The following CTNNA2 variants were observed in gnomAD, a reference collection of about 807,000 sequenced individuals.
CTNNA2 encodes catenin alpha 2.
Under a neutral mutation model 101.0 loss-of-function variants are expected in CTNNA2, and 42 were observed. That is an observed-to-expected ratio of 0.42 (90% CI 0.32 to 0.54). The LOEUF is 0.54. Ranked by LOEUF, CTNNA2 falls within the 20% of genes least tolerant of loss-of-function variation. The pLI is 0.14. For missense variants in CTNNA2, 871 were observed against 1,223.1 expected (o/e 0.71, Z 4.29); for synonymous variants, 450 against 456.4 (o/e 0.99, Z 0.18).
chr2:80,222,334 C>G (rs1708618934), intron 7 of CTNNA2, among the ~76,000 whole-genome samples: 1 of 151,966 alleles, frequency 6.6e-6, no homozygotes, highest in Admixed American at 6.6e-5. Flanking sequence ...ATATCTTTAT[C>G]TTATCACTTA....
chr2:79,558,403 TTG>T (rs1160044842), intron 1 of CTNNA2, among the ~76,000 whole-genome samples: 1 of 151,992 alleles, frequency 6.6e-6, no homozygotes, highest in African/African-American at 2.4e-5. Flanking sequence ...TATTCATTAT[TTG>T]TCACTCTATC....
At chr2:80,126,638 T>C (rs58587143) in intron 7 of CTNNA2, among the ~76,000 whole-genome samples, 223 of 72,798 alleles carry the variant, frequency 3.1e-3, no homozygotes, top group East Asian at 0.015. Context: ...CTCCCTCCCT[T>C]CCTTCCTTCC....
intron 3 of CTNNA2, among the ~76,000 whole-genome samples, chr2:79,847,542 CAAAAAAAAAAA>C (rs70940050): frequency 0.059 from 2,373 of 40,146 alleles, 70 homozygotes; most frequent in African/African-American, 0.19. Flanking sequence ...GACTCTGTCT[CAAAAAAAAAAA>C]AAAAAAAAAA....
chr2:79,643,983 G>T (rs1369595422), intron 1 of CTNNA2, among the ~76,000 whole-genome samples: 1 of 152,076 alleles, frequency 6.6e-6, no homozygotes, highest in Non-Finnish European at 1.5e-5. Context: ...CTCTTCTGCT[G>T]TATCTCTATC....
chr2:79,406,641 G>A (rs1197092152), intron 4 of CTNNA2, among the ~76,000 whole-genome samples: 1 of 151,936 alleles, frequency 6.6e-6, no homozygotes, highest in African/African-American at 2.4e-5. Flanking sequence ...AGTTAAAGGT[G>A]CTTATCCGTT....
intron 3 of CTNNA2, among the ~76,000 whole-genome samples, chr2:79,769,498 C>A (rs968208285): frequency 6.6e-6 from 1 of 152,164 alleles, no homozygotes; most frequent in Admixed American, 6.5e-5. Flanking sequence ...TCTCCAGAAA[C>A]TTCTGGATTA....
At chr2:79,206,989 T>C (rs1281180247) in intron 2 of CTNNA2, among the ~76,000 whole-genome samples, 1 of 152,176 alleles carries the variant, frequency 6.6e-6, no homozygotes, top group Non-Finnish European at 1.5e-5. Flanking sequence ...GGTGACAGTA[T>C]CACATCTCTT....
intron 7 of CTNNA2, among the ~76,000 whole-genome samples, chr2:80,296,827 C>T (rs1235564481): frequency 2.6e-5 from 4 of 152,056 alleles, no homozygotes; most frequent in Admixed American, 2.0e-4. Flanking sequence ...CCATCTCACC[C>T]ATGCATAAAA....
rs553069600 is a variant in CTNNA2 at position 80,097,833 on chromosome 2, T to G, written c.1056+188036T>G. Among the ~76,000 whole-genome samples, 4 of 152,370 alleles carry G rather than the reference T, an allele frequency of 2.6e-5. No homozygotes were observed. In the South Asian group the frequency reaches 8.3e-4, roughly 32 times the overall value. On this transcript the variant is annotated intron_variant, in intron 7 of 18. Transcript: ENST00000402739. ...GGCTTATGCATTCGTCACGTAGTTCTCGTGCCATGGTTTTCAGCTCCATCA... is the reference window on the plus strand; with the variant it reads ...GGCTTATGCATTCGTCACGTAGTTCGCGTGCCATGGTTTTCAGCTCCATCA...
chr2:80,279,049 C>CATGTGTGTGTGTGTGT (rs1553482572), intron 7 of CTNNA2, among the ~76,000 whole-genome samples: 2 of 135,734 alleles, frequency 1.5e-5, no homozygotes, highest in African/African-American at 5.5e-5. Context: ...ATGACTTTTA[C>CATGTGTGTGTGTGTGT]GTGTGTGTGT....
chr2:80,036,330 A>C lies in CTNNA2; in HGVS notation c.1056+126533A>C, dbSNP rs1010586006. The stretch of plus-strand genomic sequence containing the variant: ...GACACTCAGACAGGTGCAGTTGCTC[A>C]CACCTGTTATCCCAGCAATTTGGGA... On this transcript the variant is annotated intron_variant, in intron 7 of 18. Transcript: ENST00000402739. Among the ~76,000 whole-genome samples the C allele has an allele frequency of 2.4e-4, 37 of 152,190 alleles. 1 individual carries two copies. The highest frequency in any genetic ancestry group is 4.4e-4 in the Non-Finnish European group (30 of 68,038).
At chr2:80,645,072 G>T (rs3770383) in intron 18 of CTNNA2, among the ~76,000 whole-genome samples, 86,137 of 151,952 alleles carry the variant, frequency 0.57, 24,561 homozygotes, top group East Asian at 0.69. Flanking sequence ...AATAATACAA[G>T]AGCAATATCA....
At chr2:80,115,816 A>G (rs62141431) in intron 7 of CTNNA2, among the ~76,000 whole-genome samples, 11,190 of 152,168 alleles carry the variant, frequency 0.074, 403 homozygotes, top group South Asian at 0.11. Context: ...GATGAGGGCA[A>G]TTATAACAGT....
intron 4 of CTNNA2, among the ~76,000 whole-genome samples, chr2:79,468,410 A>G (rs113240815): frequency 0.045 from 6,823 of 152,128 alleles, 439 homozygotes; most frequent in African/African-American, 0.15. Flanking sequence ...AGAGACTTAG[A>G]CTCCCACACA....
At chr2:79,841,004 C>T (rs771495961) in intron 3 of CTNNA2, among the ~76,000 whole-genome samples, 1 of 152,090 alleles carries the variant, frequency 6.6e-6, no homozygotes, top group Non-Finnish European at 1.5e-5. Flanking sequence ...CTCCTGACCT[C>T]GTGATCCGCC....
intron 7 of CTNNA2, among the ~76,000 whole-genome samples, chr2:80,044,840 A>C (rs1239155473): frequency 6.6e-6 from 1 of 152,160 alleles, no homozygotes; most frequent in Non-Finnish European, 1.5e-5. Context: ...GAATGAGATC[A>C]GTGATCTTTA....
chr2:79,910,024 C>A (rs1685677790), intron 7 of CTNNA2, among the ~76,000 whole-genome samples: 1 of 152,118 alleles, frequency 6.6e-6, no homozygotes, highest in Admixed American at 6.6e-5. Context: ...GGAGAATAAG[C>A]TCTTTCACTT....
At chr2:80,215,336 A>T (rs1415856427) in intron 7 of CTNNA2, among the ~76,000 whole-genome samples, 1 of 152,098 alleles carries the variant, frequency 6.6e-6, no homozygotes, top group African/African-American at 2.4e-5. Context: ...GGAGGAGAAG[A>T]GCTGCTCTGA....
At chr2:79,539,713 C>T (rs1191352592) in intron 1 of CTNNA2, among the ~76,000 whole-genome samples, 1 of 152,148 alleles carries the variant, frequency 6.6e-6, no homozygotes, top group Admixed American at 6.5e-5. Flanking sequence ...CACCTCAAGC[C>T]TGTCAGTGTT....
Sources: gnomAD v4.1 joint callset for allele counts (sites outside exome capture counted in the v4.1 genomes callset) on GRCh38, gnomAD v4.1.1 for gene constraint, MANE v1.5 for transcripts, NCBI Gene and HGNC (gene_info 2026-07-23, HGNC 2026-07-21) for gene names.